Variants in DLGAP2 observed in about 807,000 individuals in gnomAD.
The protein encoded by DLGAP2 is DLG associated protein 2.
In DLGAP2, 26 loss-of-function variants were observed where a neutral mutation model predicts 100.3. The ratio of observed to expected loss-of-function variants is 0.26; its 90% CI spans 0.19 to 0.36. The LOEUF (loss-of-function observed/expected upper bound fraction) is 0.36, where lower values mean the gene tolerates loss of function less well. Ranked by LOEUF, DLGAP2 falls within the 10% of genes least tolerant of loss-of-function variation. The probability of loss-of-function intolerance (pLI) is 1.00; values close to 1 mark genes in which losing one functional copy is unlikely to be tolerated. For missense variants in DLGAP2, 1,858 were observed against 1,453.2 expected, an observed-to-expected ratio of 1.28 and a Z score of -4.53; for synonymous variants, 886 against 630.1, an observed-to-expected ratio of 1.41 and a Z score of -6.08.
chr8:1,669,613 G>A, intron 9 of DLGAP2, 130 bp from the exon 10 acceptor site: 1 of 712,508 alleles, frequency 1.4e-6, no homozygotes, highest in South Asian at 1.5e-5. Context: ...AGGGTGAGTG[G>A]AGCGTGCTGA....
chr8:1,525,191 C>CTTTTTTTTTTTTTTTTT (rs56358216), intron 4 of DLGAP2, among the ~76,000 whole-genome samples: 1 of 103,680 alleles, frequency 9.6e-6, no homozygotes, highest in African/African-American at 3.8e-5. Context: ...ACTCTGATGT[C>CTTTTTTTTTTTTTTTTT]TTTTTTTTTT....
chr8:1,085,309 G>C (rs969414857), intron 2 of DLGAP2, among the ~76,000 whole-genome samples: 1 of 152,020 alleles, frequency 6.6e-6, no homozygotes, highest in Non-Finnish European at 1.5e-5. Context: ...CTAACCTGTA[G>C]GCTATTTCTT....
At position 1,414,864 on chromosome 8, in the gene DLGAP2, C is replaced by T. The variant is rs190173775; in HGVS notation, c.107-86502C>T. Among the ~76,000 whole-genome samples the T allele has an allele frequency of 3.0e-4, 45 of 152,228 alleles. No individual in the cohort carries two copies. The East Asian group carries it at 5.0e-3, about 17-fold the overall frequency. Reference sequence around the variant, plus strand: ...TGTCTACTAAAAGTACAAAAATTAGCCAGGCGTGGTGGCAGGCATCTGTAA... The same window carrying T: ...TGTCTACTAAAAGTACAAAAATTAGTCAGGCGTGGTGGCAGGCATCTGTAA... On this transcript the variant is annotated intron_variant, in intron 3 of 14. Transcript: ENST00000637795.
At chr8:993,930 G>C (rs1800708316) in intron 2 of DLGAP2, among the ~76,000 whole-genome samples, 2 of 151,674 alleles carry the variant, frequency 1.3e-5, no homozygotes, top group Admixed American at 1.3e-4. Context: ...GATCCCGGCT[G>C]GTAATTTTCC....
intron 2 of DLGAP2, among the ~76,000 whole-genome samples, chr8:929,008 C>T (rs1294029991): frequency 7.3e-6 from 1 of 137,118 alleles, no homozygotes; most frequent in East Asian, 2.4e-4. Context: ...GACCCCCCAC[C>T]ATTCCCCCTC....
intron 3 of DLGAP2, among the ~76,000 whole-genome samples, chr8:1,333,660 C>T (rs1032730456): frequency 1.3e-5 from 2 of 152,128 alleles, no homozygotes; most frequent in East Asian, 1.9e-4. Context: ...ATTTGTGTGC[C>T]GATGTAACCG....
rs548458144 is a variant in DLGAP2 at position 1,191,596 on chromosome 8, A to G, written c.74-67255A>G. Among the ~76,000 whole-genome samples, 8 of 152,366 alleles carry G rather than the reference A, an allele frequency of 5.3e-5. No individual in the cohort carries two copies. The East Asian group carries it at 1.5e-3, about 29-fold the overall frequency. ...CCCTCTGCACTTCTTACATAGAACA[A>G]GACAGGCAGCCACAACGCGCCGTAT... On this transcript the variant is annotated intron_variant, in intron 2 of 14. Coordinates refer to ENST00000637795, the MANE Select transcript of DLGAP2 (RefSeq NM_001346810.2).
intron 2 of DLGAP2, among the ~76,000 whole-genome samples, chr8:998,197 TACAC>T (rs561363279): frequency 2.0e-5 from 3 of 152,124 alleles, no homozygotes; most frequent in Admixed American, 1.3e-4. Context: ...CACACATAAA[TACAC>T]ACATACACAT....
intron 2 of DLGAP2, among the ~76,000 whole-genome samples, chr8:910,061 G>A (rs573247484): frequency 6.6e-6 from 1 of 152,294 alleles, no homozygotes; most frequent in Non-Finnish European, 1.5e-5. Flanking sequence ...CCAAGTTTCC[G>A]TTTTGGAAGA....
chr8:737,859 G>A, intron 1 of DLGAP2, 34 bp downstream of exon 1: 1 of 375,224 alleles, frequency 2.7e-6, no homozygotes, highest in Non-Finnish European at 4.7e-6. Context: ...GGAGCCGGGC[G>A]CGGGGCTCCG....
chr8:1,258,365 C>G (rs1271079249), intron 2 of DLGAP2, among the ~76,000 whole-genome samples: 1 of 147,958 alleles, frequency 6.8e-6, no homozygotes, highest in Middle Eastern at 3.5e-3. Context: ...TGATCTCATT[C>G]GTAAGTGGGA....
At chr8:1,373,717 C>A (rs1802311521) in intron 3 of DLGAP2, 1 of 152,234 alleles carries the variant, frequency 6.6e-6, no homozygotes, top group South Asian at 2.1e-4. Context: ...ATCAACACAA[C>A]GCTGTGGCCT....
chr8:1,193,249 C>G (rs1797677615), intron 2 of DLGAP2, among the ~76,000 whole-genome samples: 1 of 152,164 alleles, frequency 6.6e-6, no homozygotes, highest in Non-Finnish European at 1.5e-5. Flanking sequence ...AATCGCCACA[C>G]CGTCTTCCAC....
intron 3 of DLGAP2, among the ~76,000 whole-genome samples, chr8:1,392,968 T>C (rs1410623827): frequency 1.0e-5 from 1 of 100,080 alleles, no homozygotes. Flanking sequence ...AGTTTTGCTC[T>C]AAATGTGAAT....
intron 3 of DLGAP2, among the ~76,000 whole-genome samples, chr8:1,446,859 G>A (rs961839815): frequency 2.6e-5 from 4 of 152,084 alleles, no homozygotes; most frequent in Non-Finnish European, 5.9e-5. Flanking sequence ...AAGCAATTAT[G>A]AATGGGAGTT....
intron 2 of DLGAP2, among the ~76,000 whole-genome samples, chr8:957,736 G>T (rs2129009197): frequency 6.6e-6 from 1 of 152,192 alleles, no homozygotes; most frequent in South Asian, 2.1e-4. Flanking sequence ...TTGTCATTCA[G>T]CTGTGTTTAT....
intron 3 of DLGAP2, among the ~76,000 whole-genome samples, chr8:1,288,177 C>G (rs1799982961): frequency 9.5e-6 from 1 of 105,786 alleles, no homozygotes; most frequent in Admixed American, 1.2e-4. Flanking sequence ...AGGAGGGGAA[C>G]TAGTTTCGGT....
Position 1,565,715 on chromosome 8 carries a change from C to G in DLGAP2, c.1263C>G (p.Thr421=). The G allele has an allele frequency of 6.2e-7, 1 of 1,613,044 alleles. No homozygotes were observed. Among genetic ancestry groups the G allele is most frequent in the Non-Finnish European group, 8.5e-7 (1 of 1,179,522 alleles). ...AGGATGAGTGGGGAGGGTACCCCACCGGTGGCAAAGATGAGGAGATTCCCT... is the reference window on the plus strand; with the variant it reads ...AGGATGAGTGGGGAGGGTACCCCACGGGTGGCAAAGATGAGGAGATTCCCT... ...VPQDEWGGYP[T]GGKDEEIPCR... is the part of the protein sequence containing the mutation. The change falls in exon 6 of 15, where the codon ACC becomes ACG. Residue 421 remains threonine, a synonymous_variant. Transcript: ENST00000637795.
intron 5 of DLGAP2, among the ~76,000 whole-genome samples, chr8:1,559,227 C>T (rs921266923): frequency 2.0e-5 from 3 of 152,148 alleles, no homozygotes; most frequent in African/African-American, 4.8e-5. Context: ...GGACTGCAAA[C>T]TGGATTTGCA....
Sources: allele counts gnomAD v4.1 joint callset (sites outside exome capture counted in the v4.1 genomes callset), GRCh38; gene constraint gnomAD v4.1.1; transcripts MANE v1.5; gene names NCBI Gene and HGNC (gene_info 2026-07-23, HGNC 2026-07-21).